EHMT1: variants seen among roughly 807,000 people sequenced by gnomAD.
The protein encoded by EHMT1 is histone-lysine N-methyltransferase EHMT1.
EHMT1 carries 15 observed loss-of-function variants against 147.2 expected under a neutral mutation model. The ratio of observed to expected loss-of-function variants is 0.10; its 90% confidence interval spans 0.07 to 0.16. EHMT1 has a LOEUF of 0.16. Ranked by LOEUF, EHMT1 falls within the 10% of genes least tolerant of loss-of-function variation. The pLI, the probability that EHMT1 is intolerant of heterozygous loss-of-function variation, is 1.00. For synonymous variants in EHMT1, 795 were observed against 709.6 expected (o/e 1.12, Z -1.91); for missense variants, 1,587 against 1,772.4 (o/e 0.90, Z 1.88).
chr9:137,635,864 G>C (rs1337576352), intron 1 of EHMT1, among the ~76,000 whole-genome samples: 1 of 151,836 alleles, frequency 6.6e-6, no homozygotes. Flanking sequence ...TATAAGTTTT[G>C]TAGTTATTTC....
chr9:137,777,478 A>G (rs957615032), intron 12 of EHMT1: 1 of 247,738 alleles, frequency 4.0e-6, no homozygotes, highest in Non-Finnish European at 7.9e-6. Context: ...TAAATGTGAC[A>G]CTAATATAAA....
At chr9:137,689,433 G>A (rs1404126194) in intron 1 of EHMT1, among the ~76,000 whole-genome samples, 3 of 152,036 alleles carry the variant, frequency 2.0e-5, no homozygotes, top group East Asian at 1.9e-4. Flanking sequence ...GGCCGGGTGC[G>A]GTGGCTCATG....
At chr9:137,658,232 C>A (rs1373822612) in intron 1 of EHMT1, among the ~76,000 whole-genome samples, 1 of 152,174 alleles carries the variant, frequency 6.6e-6, no homozygotes, top group Non-Finnish European at 1.5e-5. Flanking sequence ...CTCACTGCAG[C>A]CTCCGCCTCC....
chr9:137,761,735 G>A (rs569303145), intron 9 of EHMT1, among the ~76,000 whole-genome samples: 1 of 152,340 alleles, frequency 6.6e-6, no homozygotes, highest in South Asian at 2.1e-4. Context: ...GGGATTACAG[G>A]CGTGAGCCAC....
At chr9:137,788,199 C>T in intron 15 of EHMT1, 2 of 611,690 alleles carry the variant, frequency 3.3e-6, no homozygotes, top group Admixed American at 3.2e-5. Flanking sequence ...CTGGGCTGCT[C>T]TGTGGCACCA....
intron 23 of EHMT1, chr9:137,817,233 G>T: frequency 1.6e-6 from 1 of 640,916 alleles, no homozygotes; most frequent in Non-Finnish European, 2.8e-6. Context: ...TTGTGGGCTG[G>T]GGTGCTCCTG....
rs923108194 is a variant in EHMT1 at position 137,649,956 on chromosome 9, C to A, written c.21+30907C>A. On this transcript the variant is annotated intron_variant, in intron 1 of 26. Coordinates refer to ENST00000460843, the MANE Select transcript of EHMT1 (RefSeq NM_024757.5). Reference sequence around the variant, plus strand: ...CACGGAGTCTCTGTGTTACTTCTTACAATTGCATGTCAAGCTACAGTGGTC... The same window carrying A: ...CACGGAGTCTCTGTGTTACTTCTTAAAATTGCATGTCAAGCTACAGTGGTC... Among the ~76,000 whole-genome samples the A allele has an allele frequency of 3.9e-5, 6 of 152,314 alleles. No individual in the cohort carries two copies. The East Asian group carries it at 1.2e-3, about 29-fold the overall frequency.
chr9:137,797,319 A>C (rs1163620255), intron 16 of EHMT1, among the ~76,000 whole-genome samples: 2 of 151,706 alleles, frequency 1.3e-5, no homozygotes, highest in Admixed American at 1.3e-4. Context: ...CCTTTGGCTG[A>C]CTCTCAATCC....
Position 137,834,439 on chromosome 9 carries a change from C to T in EHMT1, c.3631C>T (p.Arg1211Cys), listed in dbSNP as rs1956456410. 1 of 1,613,142 alleles carries T rather than the reference C, an allele frequency of 6.2e-7. No individual in the cohort carries two copies. Among genetic ancestry groups the T allele is most frequent in the African/African-American group, 1.3e-5 (1 of 74,940 alleles). Reference protein sequence around the residue: ...HHCEPNLVPVRVFMAHQDLRF... With the variant: ...HHCEPNLVPVCVFMAHQDLRF... ...CTGCGAGCCCAACCTGGTGCCCGTG[C>T]GCGTGTTCATGGCCCACCAGGACCT... Residue 1211 changes from arginine (R) to cysteine (C), a missense_variant, in exon 26 of 27, where the codon CGC becomes TGC. Coordinates refer to ENST00000460843, the MANE Select transcript of EHMT1 (RefSeq NM_024757.5).
chr9:137,757,668 C>G (rs1949481889), intron 8 of EHMT1, among the ~76,000 whole-genome samples: 1 of 152,076 alleles, frequency 6.6e-6, no homozygotes, highest in South Asian at 2.1e-4. Context: ...AATATTATGT[C>G]TAAAAGGGGG....
rs973491350 is a variant in EHMT1 at position 137,743,925 on chromosome 9, C to T, written c.1005C>T (p.Ser335=). The T allele has an allele frequency of 6.2e-7, 1 of 1,613,280 alleles. No homozygotes were observed. Among genetic ancestry groups the T allele is most frequent in the Non-Finnish European group, 8.5e-7 (1 of 1,179,818 alleles). Residue 335 remains serine (S), a synonymous_variant, in exon 6 of 27, where the codon AGC becomes AGT. Coordinates refer to ENST00000460843, the MANE Select transcript of EHMT1 (RefSeq NM_024757.5). ...GSKGEKDLGA[S]SLHVNGESLE... ...AGGGGGAGAAGGACCTGGGCGCCAG[C>T]AGCCTGCACGTGAATGGGGAGAGCC... is the stretch of plus-strand genomic sequence containing the variant.
chr9:137,799,388 C>G (rs781640891), intron 17 of EHMT1, among the ~76,000 whole-genome samples: 8 of 152,190 alleles, frequency 5.3e-5, no homozygotes, highest in Non-Finnish European at 1.0e-4. Context: ...CACCCGTCTT[C>G]CTTCCTGCTC....
chr9:137,750,939 G>A (rs1428516765), intron 6 of EHMT1, among the ~76,000 whole-genome samples: 1 of 152,188 alleles, frequency 6.6e-6, no homozygotes, highest in Admixed American at 6.5e-5. Context: ...AATATTTTGG[G>A]AAAAGGCAGC....
intron 1 of EHMT1, among the ~76,000 whole-genome samples, chr9:137,638,990 A>G (rs764216955): frequency 3.7e-4 from 57 of 152,304 alleles, no homozygotes; most frequent in Non-Finnish European, 4.4e-4. Context: ...ATACATTTCT[A>G]TTGTTACATG....
In EHMT1 at chr9:137,782,868, C is replaced by G. The variant is rs1382300385; in HGVS notation, c.2382+471C>G. 6.6e-6 allele frequency among the ~76,000 whole-genome samples: 1 copy of G among 152,054 alleles called. No homozygotes were observed. The highest frequency in any genetic ancestry group is 1.5e-5 in the Non-Finnish European group (1 of 68,004). ...CTGTTGGTTGAGTTGACTCTGCCACCTGCTAATTTATTCTGAACCATCTGA... is the reference window on the plus strand; with the variant it reads ...CTGTTGGTTGAGTTGACTCTGCCACGTGCTAATTTATTCTGAACCATCTGA... On this transcript the variant is annotated intron_variant, in intron 15 of 26. Coordinates refer to ENST00000460843, the MANE Select transcript of EHMT1 (RefSeq NM_024757.5). This position sits in a 1 kb window ranked among gnomAD's most constrained non-coding sequence, Gnocchi z 5.7.
At chr9:137,780,080 T>C (rs1369348059) in intron 14 of EHMT1, among the ~76,000 whole-genome samples, 1 of 146,954 alleles carries the variant, frequency 6.8e-6, no homozygotes, top group African/African-American at 2.6e-5. Context: ...CGCTGAGATG[T>C]ATGGTGATGA....
At chr9:137,820,548 T>C (rs1035491751) in intron 25 of EHMT1, among the ~76,000 whole-genome samples, 4 of 152,254 alleles carry the variant, frequency 2.6e-5, no homozygotes, top group African/African-American at 9.6e-5. Context: ...GTTTTCGTAA[T>C]GTCTTAGTGA....
At position 137,810,013 on chromosome 9, in the gene EHMT1, T is replaced by C. The variant is rs56015872; in HGVS notation, c.2713-1448T>C. Among the ~76,000 whole-genome samples, 7 of 94,830 alleles carry C rather than the reference T, an allele frequency of 7.4e-5. No individual in the cohort carries two copies. In the South Asian group the frequency reaches 1.4e-3, roughly 19 times the overall value. 62.2% of individuals were successfully genotyped at this position (94,830 alleles called of 152,430 possible). A position where few individuals can be genotyped will look rare whatever the true frequency, so the allele number is the denominator to read the frequency against. The stretch of plus-strand genomic sequence containing the variant: ...GGTTCCGATGCTGCCCCTCGTGGAC[T>C]GTGGGTGATGGGTCCGGAGGCGGTT... On this transcript the variant is annotated intron_variant, in intron 18 of 26. Coordinates refer to ENST00000460843, the MANE Select transcript of EHMT1 (RefSeq NM_024757.5).
At chr9:137,736,820 G>C (rs35793905) in intron 4 of EHMT1, among the ~76,000 whole-genome samples, 12,624 of 152,258 alleles carry the variant, frequency 0.083, 726 homozygotes, top group Non-Finnish European at 0.13. Flanking sequence ...GAACCTGGGA[G>C]GTGGAGGTTG....
Sources: gnomAD v4.1 joint callset for allele counts (sites outside exome capture counted in the v4.1 genomes callset) on GRCh38, gnomAD v4.1.1 for gene constraint, Gnocchi (gnomAD v3.1) non-coding constraint, MANE v1.5 for transcripts, NCBI Gene and HGNC (gene_info 2026-07-23, HGNC 2026-07-21) for gene names.